The following PPP1R12C variants were observed in gnomAD, a reference collection of about 807,000 sequenced individuals.
PPP1R12C encodes leukocyte receptor cluster (LRC) encoded novel gene 3.
A neutral mutation model predicts 95.6 loss-of-function variants in PPP1R12C; 48 were observed. The observed-to-expected ratio is 0.50, with a 90% CI of 0.40 to 0.64. The LOEUF (loss-of-function observed/expected upper bound fraction) is 0.64, where lower values mean the gene tolerates loss of function less well. Ranked by LOEUF, PPP1R12C falls within the 30% of genes least tolerant of loss-of-function variation. PPP1R12C has a pLI of 0.00. For synonymous variants in PPP1R12C, 480 were observed against 460.8 expected, an observed-to-expected ratio of 1.04 and a Z score of -0.53; for missense variants, 1,057 against 1,083.3, an observed-to-expected ratio of 0.98 and a Z score of 0.34.
intron 3 of PPP1R12C, among the ~76,000 whole-genome samples, chr19:55,107,053 C>T (rs897111691): frequency 4.6e-5 from 7 of 152,038 alleles, no homozygotes; most frequent in African/African-American, 1.7e-4. Flanking sequence ...CACTTGTGCC[C>T]CTGGATCAAG....
In PPP1R12C at chr19:55,117,452, G is replaced by A. The variant is rs2085167914; in HGVS notation, c.92C>T (p.Ala31Val). ...GGGGCCAGGCTCGGCGCCCGCCCGC[G>A]CCCCCCACTGCCGCAGCTGCTCCCG... ...RRREQLRQWG[A>V]RAGAEPGPGE... The change falls in exon 1 of 22, where the codon GCG becomes GTG. Residue 31 changes from alanine to valine, a missense_variant. Ala to Val is a moderately conservative substitution (Grantham distance 64). Coordinates refer to ENST00000263433, the MANE Select transcript of PPP1R12C (RefSeq NM_017607.4). 1 of 996,560 alleles carries A rather than the reference G, an allele frequency of 1.0e-6. No homozygotes were observed. The highest frequency in any genetic ancestry group is 1.2e-6 in the Non-Finnish European group (1 of 840,208). 61.7% of individuals were successfully genotyped at this position (996,560 alleles called of 1,614,324 possible).
At chr19:55,099,612 G>C (rs2084960051) in intron 4 of PPP1R12C, among the ~76,000 whole-genome samples, 1 of 152,094 alleles carries the variant, frequency 6.6e-6, no homozygotes, top group African/African-American at 2.4e-5. Flanking sequence ...CTTAGGGCAA[G>C]GGTTAGCGGC....
intron 4 of PPP1R12C, 121 bp from the exon 5 acceptor site, chr19:55,099,216 C>A: frequency 8.3e-7 from 1 of 1,210,918 alleles, no homozygotes; most frequent in South Asian, 1.6e-5. Context: ...CCTGGACAGG[C>A]TGGTAAAGAG....
At chr19:55,113,651 A>C (rs1603009153) in intron 1 of PPP1R12C, 2 of 1,212,686 alleles carry the variant, frequency 1.6e-6, no homozygotes, top group Non-Finnish European at 2.1e-6. Context: ...GGGATAAATT[A>C]CCCCCCAAGT....
Position 55,093,140 on chromosome 19 carries a change from T to C in PPP1R12C, c.1764+13A>G. 2 of 1,613,578 alleles carry C rather than the reference T, an allele frequency of 1.2e-6. No homozygotes were observed. Among genetic ancestry groups the C allele is most frequent in the Non-Finnish European group, 8.5e-7 (1 of 1,179,898 alleles). The stretch of plus-strand genomic sequence containing the variant: ...CCCGCACCACCCCACTCGCCCTCGC[T>C]GACCCCTCTCACCAGGCTCTGCGCC... On this transcript the variant is annotated intron_variant, in intron 14 of 21. Transcript: ENST00000263433.
chr19:55,099,861 G>A (rs576658614), intron 4 of PPP1R12C, among the ~76,000 whole-genome samples: 8 of 152,352 alleles, frequency 5.3e-5, no homozygotes, highest in Non-Finnish European at 1.0e-4. Context: ...ACGGTAGGAC[G>A]TGTCTATTTT....
Position 55,096,347 on chromosome 19 carries a change from G to C in PPP1R12C, c.952-12C>G. 6.2e-7 allele frequency: 1 copy of C among 1,613,078 alleles called. No homozygotes were observed. Among genetic ancestry groups the C allele is most frequent in the East Asian group, 2.2e-5 (1 of 44,858 alleles). ...TTTTGGTTCCGAAGCTGCAAGGAGG[G>C]AAGGGGGCTGCAGGGGAGGGGTGGA... On this transcript the variant is annotated splice_polypyrimidine_tract_variant and intron_variant, in intron 6 of 21. Transcript: ENST00000263433.
intron 3 of PPP1R12C, among the ~76,000 whole-genome samples, chr19:55,107,076 C>T (rs1389573289): frequency 1.3e-5 from 2 of 151,844 alleles, no homozygotes; most frequent in East Asian, 1.9e-4. Flanking sequence ...ATGCCTAGAG[C>T]CCATATGGAC....
intron 3 of PPP1R12C, among the ~76,000 whole-genome samples, chr19:55,110,570 G>A (rs2085084731): frequency 6.6e-6 from 1 of 152,218 alleles, no homozygotes; most frequent in Non-Finnish European, 1.5e-5. Flanking sequence ...AGGCGAAGAT[G>A]TACAATGCCT....
In PPP1R12C at chr19:55,117,465, G is replaced by A; in HGVS notation, c.79C>T (p.Arg27Trp). Residue 27 changes from arginine (R) to tryptophan (W), a missense_variant, in exon 1 of 22, where the codon CGG (arginine) becomes TGG (tryptophan). Around this residue, in one of 5 missense-constraint regions of PPP1R12C, gnomAD observed 70 missense variants for 47.8 expected, o/e 1.46. Coordinates refer to ENST00000263433, the MANE Select transcript of PPP1R12C (RefSeq NM_017607.4). Reference sequence around the variant, plus strand: ...GCGCCCGCCCGCGCCCCCCACTGCCGCAGCTGCTCCCGTCGCCGCTCCCGG... The same window carrying A: ...GCGCCCGCCCGCGCCCCCCACTGCCACAGCTGCTCCCGTCGCCGCTCCCGG... Reference protein sequence around the residue: ...AARERRREQLRQWGARAGAEP... With the variant: ...AARERRREQLWQWGARAGAEP... 1 of 1,005,760 alleles carries A rather than the reference G, an allele frequency of 9.9e-7. No homozygotes were observed. Among genetic ancestry groups the A allele is most frequent in the African/African-American group, 1.8e-5 (1 of 56,788 alleles). The allele number at this position is 1,005,760 out of a possible 1,614,324, so 62.3% of individuals were successfully genotyped here.
chr19:55,097,297 T>A (rs1456541029), intron 6 of PPP1R12C, among the ~76,000 whole-genome samples: 2 of 87,678 alleles, frequency 2.3e-5, no homozygotes, highest in Admixed American at 1.3e-4. Context: ...CTTCACCCCT[T>A]CCCCACGCAG....
In PPP1R12C at chr19:55,103,264, G is replaced by C. The variant is rs2084997681; in HGVS notation, c.731+145C>G. 3 of 646,218 alleles carry C rather than the reference G, an allele frequency of 4.6e-6. No homozygotes were observed. The African/African-American group carries it at 5.6e-5, about 12-fold the overall frequency. The allele number at this position is 646,218 out of a possible 1,614,324, so 40.0% of individuals were successfully genotyped here. ...ACTGAATGACAATAAAAAAAAGACTGCACATCAAAACTTGTGGGTACAGCT... is the reference window on the plus strand; with the variant it reads ...ACTGAATGACAATAAAAAAAAGACTCCACATCAAAACTTGTGGGTACAGCT... On this transcript the variant is annotated intron_variant, in intron 4 of 21. Transcript: ENST00000263433.
At chr19:55,103,147 C>G (rs982351420) in intron 4 of PPP1R12C, among the ~76,000 whole-genome samples, 2 of 152,036 alleles carry the variant, frequency 1.3e-5, no homozygotes, top group African/African-American at 4.8e-5. Flanking sequence ...TGAGCCACGA[C>G]TGTGCCACTG....
chr19:55,113,659 A>G, intron 1 of PPP1R12C: 1 of 1,198,324 alleles, frequency 8.3e-7, no homozygotes, highest in Non-Finnish European at 1.1e-6. Flanking sequence ...TTACCCCCCA[A>G]GTCCCTCACC....
rs576961204 is a variant in PPP1R12C at position 55,104,458 on chromosome 19, T to C, written c.572-890A>G. On this transcript the variant is annotated intron_variant, in intron 3 of 21. Coordinates refer to ENST00000263433, the MANE Select transcript of PPP1R12C (RefSeq NM_017607.4). ...CGGCTCATGCCTGTAATCCCAACAC[T>C]TTGGGAGACCAAGGTGGGCAGATCA... Among the ~76,000 whole-genome samples the C allele has an allele frequency of 5.9e-5, 9 of 151,696 alleles. No individual in the cohort carries two copies. The East Asian group carries it at 1.4e-3, about 23-fold the overall frequency.
Position 55,092,310 on chromosome 19 carries a change from C to A in PPP1R12C, c.2072G>T (p.Arg691Leu), listed in dbSNP as rs201585471. Residue 691 changes from arginine to leucine, a missense_variant, in exon 19 of 22, where the codon CGC becomes CTC. By Grantham distance (102) the Arg-to-Leu change is moderately radical (BLOSUM62 -2). Transcript: ENST00000263433. Reference sequence around the variant, plus strand: ...CTCGCGAAGCCGCTCGTTCTCCCTGCGCAGCTCTGCATACAGCTGGGGGTC... The same window carrying A: ...CTCGCGAAGCCGCTCGTTCTCCCTGAGCAGCTCTGCATACAGCTGGGGGTC... ...GGFRTLYAEL[R>L]RENERLREAL... 201 of 1,599,316 alleles carry A rather than the reference C, an allele frequency of 1.3e-4. No homozygotes were observed. Among genetic ancestry groups the A allele is most frequent in the South Asian group, 5.6e-4 (50 of 88,762 alleles).
chr19:55,113,536 C>A, intron 1 of PPP1R12C: 2 of 1,375,760 alleles, frequency 1.5e-6, no homozygotes, highest in East Asian at 2.9e-5. Context: ...AGCCGAAGTC[C>A]AGGGGGTCGG....
rs1398500802 is a variant in PPP1R12C at position 55,109,464 on chromosome 19, A to T, written c.571+3003T>A. Among the ~76,000 whole-genome samples, 1 of 152,208 alleles carries T rather than the reference A, an allele frequency of 6.6e-6. No homozygotes were observed. The highest frequency in any genetic ancestry group is 1.5e-5 in the Non-Finnish European group (1 of 68,026). On this transcript the variant is annotated intron_variant, in intron 3 of 21. Coordinates refer to ENST00000263433, the MANE Select transcript of PPP1R12C (RefSeq NM_017607.4). This position sits in a 1 kb window ranked among gnomAD's most constrained non-coding sequence, Gnocchi z 4.4. Reference sequence around the variant, plus strand: ...TGGTTCTTGCAAAGAGTCATGCCCGATTCAGCCCCTGAGTCGACTGGGCCA... The same window carrying T: ...TGGTTCTTGCAAAGAGTCATGCCCGTTTCAGCCCCTGAGTCGACTGGGCCA...
At chr19:55,097,970 C>A (rs921100350) in intron 6 of PPP1R12C, among the ~76,000 whole-genome samples, 1 of 152,194 alleles carries the variant, frequency 6.6e-6, no homozygotes, top group Non-Finnish European at 1.5e-5. Flanking sequence ...CCTCAGGGCA[C>A]CCACACTTGC....
Sources: allele counts gnomAD v4.1 joint callset (sites outside exome capture counted in the v4.1 genomes callset), GRCh38; gene constraint gnomAD v4.1.1; regional missense constraint gnomAD v4.1.1; non-coding constraint Gnocchi (gnomAD v3.1); transcripts MANE v1.5; gene names NCBI Gene and HGNC (gene_info 2026-07-23, HGNC 2026-07-21).